The following SCGB2B2 variants were observed in gnomAD, a reference collection of about 807,000 sequenced individuals.
The protein encoded by SCGB2B2 is secretoglobin family 2B member 2, also known as secretoglobin-like protein.
SCGB2B2 carries 11 observed loss-of-function variants against 7.6 expected under a neutral mutation model. That is an observed-to-expected ratio of 1.45 (90% CI 0.91 to 2.40). The LOEUF is 2.40. SCGB2B2 is among the 30% of genes most tolerant of loss of function. SCGB2B2 has a pLI of 0.00. For missense variants in SCGB2B2, 104 were observed against 115.4 expected (o/e 0.90, Z 0.45); for synonymous variants, 50 against 48.6 (o/e 1.03, Z -0.12).
intron 1 of SCGB2B2, among the ~76,000 whole-genome samples, chr19:34,669,126 T>C (rs2067728702): frequency 6.6e-6 from 1 of 152,048 alleles, no homozygotes; most frequent in Non-Finnish European, 1.5e-5. Flanking sequence ...CAGGAGGAAC[T>C]AACAACTCCA....
intron 1 of SCGB2B2, among the ~76,000 whole-genome samples, chr19:34,652,859 C>T (rs894010575): frequency 1.3e-5 from 2 of 151,324 alleles, no homozygotes; most frequent in South Asian, 2.1e-4. Flanking sequence ...ACTGGGTACA[C>T]ATCCAGGCAA....
chr19:34,640,896 T>A (rs1470956461), intron 1 of SCGB2B2, among the ~76,000 whole-genome samples: 1 of 152,160 alleles, frequency 6.6e-6, no homozygotes, highest in African/African-American at 2.4e-5. Flanking sequence ...CTCATACAAC[T>A]TTAAAAAGGT....
At position 34,593,561 on chromosome 19, in the gene SCGB2B2, G is replaced by A; in HGVS notation, c.285C>T (p.Ala95=). 1 of 1,553,316 alleles carries A rather than the reference G, an allele frequency of 6.4e-7. No homozygotes were observed. The highest frequency in any genetic ancestry group is 8.7e-7 in the Non-Finnish European group (1 of 1,147,776). The part of the protein sequence containing the change: ...ILQSNDCIEA[A]F ...ATCTGCAGGGGTCCTCAGATCAGAA[G>A]GCTGCTTCTATGCAATCGTTGCTCT... The change falls in exon 4 of 4, where the codon GCC becomes GCT. Residue 95 remains alanine (A), a synonymous_variant. Transcript: ENST00000601241.
At chr19:34,619,531 C>T (rs1218603580) in intron 1 of SCGB2B2, among the ~76,000 whole-genome samples, 3 of 152,090 alleles carry the variant, frequency 2.0e-5, no homozygotes, top group African/African-American at 4.8e-5. Context: ...GGCAAAGAGA[C>T]GGCAAGCAAT....
chr19:34,599,564 A>G (rs1292930203), intron 1 of SCGB2B2, among the ~76,000 whole-genome samples: 2 of 152,164 alleles, frequency 1.3e-5, no homozygotes, highest in African/African-American at 4.8e-5. Flanking sequence ...CTTATTCACT[A>G]CCATGAGAAC....
intron 1 of SCGB2B2, among the ~76,000 whole-genome samples, chr19:34,624,215 G>A (rs2066309992): frequency 6.6e-6 from 1 of 152,186 alleles, no homozygotes; most frequent in African/African-American, 2.4e-5. Context: ...TTGTCTCATG[G>A]AGGAACTGTT....
intron 1 of SCGB2B2, among the ~76,000 whole-genome samples, chr19:34,664,653 T>C (rs1260656638): frequency 1.3e-5 from 2 of 152,180 alleles, no homozygotes; most frequent in Non-Finnish European, 2.9e-5. Flanking sequence ...TGTTGTGTGC[T>C]GTGTCACTGT....
At chr19:34,585,697 G>A (rs1446002313), downstream of SCGB2B2, among the ~76,000 whole-genome samples, 1 of 152,194 alleles carries the variant, frequency 6.6e-6, no homozygotes, top group Non-Finnish European at 1.5e-5. Context: ...GGTTGAAGAC[G>A]AAAGAATAGG....
chr19:34,608,733 T>C (rs2065851966), intron 1 of SCGB2B2: 1 of 146,232 alleles, frequency 6.8e-6, no homozygotes, highest in Admixed American at 7.0e-5. Flanking sequence ...TGAGGTTGAG[T>C]CAAATCTTGG....
chr19:34,617,551 G>A (rs1418694625), intron 1 of SCGB2B2, among the ~76,000 whole-genome samples: 4 of 151,818 alleles, frequency 2.6e-5, no homozygotes, highest in Non-Finnish European at 5.9e-5. Flanking sequence ...CTGAGACTTT[G>A]CTGAAGTTGC....
intron 1 of SCGB2B2, among the ~76,000 whole-genome samples, chr19:34,668,703 G>A (rs1397387610): frequency 6.6e-6 from 1 of 151,450 alleles, no homozygotes. Flanking sequence ...GTTTGTGAAT[G>A]CACCAATCGA....
intron 1 of SCGB2B2, among the ~76,000 whole-genome samples, chr19:34,648,004 G>T (rs774222925): frequency 6.6e-6 from 1 of 152,224 alleles, no homozygotes; most frequent in South Asian, 2.1e-4. Flanking sequence ...TGGAACAAGG[G>T]GCAGTGGGGA....
At chr19:34,632,552 C>T (rs1276390127) in intron 1 of SCGB2B2, among the ~76,000 whole-genome samples, 1 of 152,122 alleles carries the variant, frequency 6.6e-6, no homozygotes, top group African/African-American at 2.4e-5. Context: ...AGAGAAATAC[C>T]ACTACACACC....
intron 1 of SCGB2B2, among the ~76,000 whole-genome samples, chr19:34,636,485 G>T (rs1410514243): frequency 6.6e-6 from 1 of 152,196 alleles, no homozygotes; most frequent in Non-Finnish European, 1.5e-5. Flanking sequence ...GAACAAAAGG[G>T]TGTGTCCAGA....
intron 1 of SCGB2B2, among the ~76,000 whole-genome samples, chr19:34,665,310 C>G (rs1600071298): frequency 6.6e-6 from 1 of 152,238 alleles, no homozygotes; most frequent in African/African-American, 2.4e-5. Flanking sequence ...TCTAAACCTT[C>G]ATGGAACTGC....
chr19:34,649,203 G>C lies in SCGB2B2; in HGVS notation c.-2032+26427C>G, dbSNP rs192246547. 4.5e-3 allele frequency among the ~76,000 whole-genome samples: 683 copies of C among 152,316 alleles called. 3 individuals are homozygous for C. Among genetic ancestry groups the C allele is most frequent in the African/African-American group, 0.016 (660 of 41,560 alleles). On this transcript the variant is annotated intron_variant, in intron 1 of 3. Coordinates refer to ENST00000601241, the MANE Select transcript of SCGB2B2 (RefSeq NM_001025591.4). ...TTACAGACGTGAGCCACTGTGCCCA[G>C]CCTGGATCTTTCACAACTAGGACTG...
chr19:34,599,753 C>T (rs532382166), intron 1 of SCGB2B2, among the ~76,000 whole-genome samples: 1 of 152,092 alleles, frequency 6.6e-6, no homozygotes, highest in African/African-American at 2.4e-5. Context: ...CCTGTTCTCT[C>T]CCTCTTCCCC....
intron 1 of SCGB2B2, among the ~76,000 whole-genome samples, chr19:34,602,040 T>TA (rs1452550662): frequency 2.6e-5 from 4 of 152,202 alleles, no homozygotes; most frequent in Non-Finnish European, 5.9e-5. Flanking sequence ...TAGCTTTTGA[T>TA]ATTTCACCAT....
At chr19:34,586,595 C>T (rs1488366491), downstream of SCGB2B2, among the ~76,000 whole-genome samples, 1 of 152,152 alleles carries the variant, frequency 6.6e-6, no homozygotes, top group Non-Finnish European at 1.5e-5. Flanking sequence ...ATAGTTTATA[C>T]CTTTTTTGAA....
Sources: allele counts gnomAD v4.1 joint callset (sites outside exome capture counted in the v4.1 genomes callset), GRCh38; gene constraint gnomAD v4.1.1; transcripts MANE v1.5; gene names NCBI Gene and HGNC (gene_info 2026-07-23, HGNC 2026-07-21).